The following TUSC7 variants were observed in gnomAD, a reference collection of about 807,000 sequenced individuals.
The protein encoded by TUSC7 is tumor suppressor candidate 7.
At chr3:116,713,000 T>A (rs2051475474) in intron 1 of TUSC7, 1 of 152,172 alleles carries the variant, frequency 6.6e-6, no homozygotes, top group Admixed American at 6.5e-5. Context: ...TCATTTTAAA[T>A]AAGAAAAAGC....
At chr3:116,711,017 T>A (rs981015267) in intron 1 of TUSC7, among the ~76,000 whole-genome samples, 3 of 152,172 alleles carry the variant, frequency 2.0e-5, no homozygotes, top group Admixed American at 2.0e-4. Flanking sequence ...TTACATAGCT[T>A]TGTTAATTGT....
chr3:116,712,896 CAT>C (rs1365876450), intron 1 of TUSC7: 1 of 152,058 alleles, frequency 6.6e-6, no homozygotes, highest in East Asian at 1.9e-4. Flanking sequence ...TGTATGTAGA[CAT>C]ATAATATTTG....
intron 1 of TUSC7, chr3:116,710,395 C>G (rs1469687412): frequency 6.6e-6 from 1 of 152,064 alleles, no homozygotes; most frequent in Non-Finnish European, 1.5e-5. Context: ...AAGTGATAGT[C>G]AAGATGAAGA....
intron 1 of TUSC7, chr3:116,712,915 C>T (rs553962919): frequency 6.6e-6 from 1 of 152,064 alleles, no homozygotes; most frequent in Non-Finnish European, 1.5e-5. Flanking sequence ...TTTGAGCTGT[C>T]TTTTTCAGCT....
intron 1 of TUSC7, among the ~76,000 whole-genome samples, chr3:116,711,439 A>T (rs1335303331): frequency 6.6e-6 from 1 of 152,292 alleles, no homozygotes; most frequent in Admixed American, 6.5e-5. Flanking sequence ...CTAAGAGGGC[A>T]TGATTATTAT....
chr3:116,713,822 C>T (rs974591850), intron 1 of TUSC7, among the ~76,000 whole-genome samples: 4 of 152,010 alleles, frequency 2.6e-5, no homozygotes, highest in Admixed American at 6.6e-5. Flanking sequence ...AAAAATGAGC[C>T]GGGCATGGTG....
chr3:116,716,634 A>G (rs1488493669), intron 1 of TUSC7: 1 of 152,150 alleles, frequency 6.6e-6, no homozygotes, highest in Non-Finnish European at 1.5e-5. Context: ...TCAAAAGAAA[A>G]CACTGCCTAT....
chr3:116,710,213 A>G (rs1419965727), intron 1 of TUSC7: 2 of 152,174 alleles, frequency 1.3e-5, no homozygotes, highest in Admixed American at 1.3e-4. Context: ...GTGTAAGATG[A>G]AAGAGGACCT....
At chr3:116,711,739 G>T (rs571690499) in intron 1 of TUSC7, among the ~76,000 whole-genome samples, 1 of 152,110 alleles carries the variant, frequency 6.6e-6, no homozygotes, top group Admixed American at 6.6e-5. Flanking sequence ...GGGCTGTAAC[G>T]AAACTCAGTT....
At chr3:116,711,169 G>C (rs916282439) in intron 1 of TUSC7, among the ~76,000 whole-genome samples, 4 of 152,118 alleles carry the variant, frequency 2.6e-5, no homozygotes, top group Non-Finnish European at 5.9e-5. Flanking sequence ...TGTAAGTATT[G>C]GTAGTATGTA....
At position 116,714,908 on chromosome 3, in the gene TUSC7, AACATATATG is replaced by A. The variant is rs548837644; in HGVS notation, n.99-2846_99-2838del. Among the ~76,000 whole-genome samples the A allele has an allele frequency of 2.4e-3, 363 of 152,288 alleles. 2 individuals are homozygous for A. The highest frequency in any genetic ancestry group is 8.5e-3 in the African/African-American group (352 of 41,562). On this transcript the variant is annotated intron_variant and non_coding_transcript_variant, in intron 1 of 2. Coordinates refer to ENST00000477805, the Ensembl canonical transcript of TUSC7. ...GTGCATTCCATGGGTTTTGAAAAAT[AACATATATG>A]ACATATCTATACCACTATAGTATTG...
At chr3:116,715,793 G>T (rs186753388) in intron 1 of TUSC7, among the ~76,000 whole-genome samples, 79 of 152,128 alleles carry the variant, frequency 5.2e-4, no homozygotes, top group African/African-American at 1.8e-3. Flanking sequence ...TCTTGATCCA[G>T]ATACTTTCCA....
intron 1 of TUSC7, among the ~76,000 whole-genome samples, chr3:116,713,275 A>G (rs2051477908): frequency 6.6e-6 from 1 of 152,168 alleles, no homozygotes; most frequent in Admixed American, 6.5e-5. Flanking sequence ...TCCTTCTTAA[A>G]TTCTCTGGTT....
chr3:116,711,651 A>G (rs77850066), intron 1 of TUSC7, among the ~76,000 whole-genome samples: 1,964 of 152,300 alleles, frequency 0.013, 26 homozygotes, highest in Non-Finnish European at 0.019. Flanking sequence ...AGCTGCCATT[A>G]CTAATGATCA....
At chr3:116,714,012 T>C (rs992172047) in intron 1 of TUSC7, 2 of 152,102 alleles carry the variant, frequency 1.3e-5, no homozygotes, top group Non-Finnish European at 2.9e-5. Context: ...CTATATTCTA[T>C]GTTTCCTTTT....
At chr3:116,712,128 A>G (rs1045594072) in intron 1 of TUSC7, among the ~76,000 whole-genome samples, 21 of 152,186 alleles carry the variant, frequency 1.4e-4, no homozygotes, top group Non-Finnish European at 1.5e-5. Context: ...ATAGTTTACA[A>G]TTGTTTCTCT....
At chr3:116,716,826 G>C (rs1423773471) in intron 1 of TUSC7, 1 of 152,086 alleles carries the variant, frequency 6.6e-6, no homozygotes, top group Non-Finnish European at 1.5e-5. Context: ...CTTCTTGCCG[G>C]ACTCTTTTCT....
At chr3:116,713,120 T>C (rs1178026529) in intron 1 of TUSC7, among the ~76,000 whole-genome samples, 1 of 152,158 alleles carries the variant, frequency 6.6e-6, no homozygotes, top group Non-Finnish European at 1.5e-5. Flanking sequence ...CTATAATCAC[T>C]CACAATATGG....
At chr3:116,715,796 A>G (rs1280397942) in intron 1 of TUSC7, among the ~76,000 whole-genome samples, 1 of 152,136 alleles carries the variant, frequency 6.6e-6, no homozygotes, top group Non-Finnish European at 1.5e-5. Context: ...TGATCCAGAT[A>G]CTTTCCAGGG....
Sources: allele counts gnomAD v4.1 joint callset (sites outside exome capture counted in the v4.1 genomes callset), GRCh38; gene constraint gnomAD v4.1.1; transcripts MANE v1.5; gene names NCBI Gene and HGNC (gene_info 2026-07-23, HGNC 2026-07-21).